NALCN: variants seen among roughly 807,000 people sequenced by gnomAD.
The protein encoded by NALCN is sodium leak channel NALCN.
NALCN carries 111 observed loss-of-function variants against 225.3 expected under a neutral mutation model. The ratio of observed to expected loss-of-function variants is 0.49; its 90% confidence interval spans 0.42 to 0.58. The LOEUF (loss-of-function observed/expected upper bound fraction) is 0.58, where lower values mean the gene tolerates loss of function less well. Among genes scored for constraint, NALCN ranks in the 20% least tolerant of loss-of-function variants. The pLI is 0.00. For synonymous variants in NALCN, 764 were observed against 769.0 expected, an observed-to-expected ratio of 0.99 and a Z score of 0.11; for missense variants, 1,378 against 2,202.4, an observed-to-expected ratio of 0.63 and a Z score of 7.49.
intron 15 of NALCN, among the ~76,000 whole-genome samples, chr13:101,171,617 T>C (rs558559870): frequency 3.8e-4 from 58 of 152,058 alleles, no homozygotes; most frequent in Non-Finnish European, 7.2e-4. Flanking sequence ...GGGAAGGCAA[T>C]AGAGGAATTT....
At chr13:101,366,464 A>G (rs1477952558) in intron 6 of NALCN, among the ~76,000 whole-genome samples, 1 of 152,132 alleles carries the variant, frequency 6.6e-6, no homozygotes, top group African/African-American at 2.4e-5. Flanking sequence ...ATACATGCAA[A>G]TCAATTAGGC....
At chr13:101,304,779 C>T (rs1259651315) in intron 7 of NALCN, among the ~76,000 whole-genome samples, 12 of 111,730 alleles carry the variant, frequency 1.1e-4, no homozygotes, top group Admixed American at 7.6e-4. Flanking sequence ...TTTTTTGAGA[C>T]GGAATCTTGC....
At chr13:101,225,192 C>T (rs547935026) in intron 13 of NALCN, among the ~76,000 whole-genome samples, 32 of 152,234 alleles carry the variant, frequency 2.1e-4, no homozygotes, top group Non-Finnish European at 4.1e-4. Context: ...AGTAAAAAAC[C>T]GCAGGAAAGA....
At chr13:101,296,466 C>T (rs1260158198) in intron 7 of NALCN, among the ~76,000 whole-genome samples, 2 of 152,156 alleles carry the variant, frequency 1.3e-5, no homozygotes, top group Admixed American at 6.5e-5. Context: ...CATAAAAACC[C>T]ATGCTATACA....
intron 35 of NALCN, among the ~76,000 whole-genome samples, 179 bp downstream of exon 35, chr13:101,075,691 AATG>A (rs1384247403): frequency 5.3e-5 from 8 of 152,276 alleles, no homozygotes; most frequent in Non-Finnish European, 8.8e-5. Context: ...AAACACATCG[AATG>A]ATAACTAAGC....
intron 14 of NALCN, among the ~76,000 whole-genome samples, chr13:101,178,365 G>T (rs997587459): frequency 6.6e-6 from 1 of 152,172 alleles, no homozygotes; most frequent in African/African-American, 2.4e-5. Context: ...AAAAAGGGGG[G>T]TCGGAAGGGA....
At chr13:101,416,193 C>T (rs529753486) in intron 1 of NALCN, 120 bp downstream of exon 1, 84 of 152,284 alleles carry the variant, frequency 5.5e-4, no homozygotes, top group African/African-American at 1.7e-3. Context: ...GCCCCAGCGC[C>T]CCTGAGCCGT....
At chr13:101,411,358 T>G (rs1038437282) in intron 1 of NALCN, among the ~76,000 whole-genome samples, 8 of 151,712 alleles carry the variant, frequency 5.3e-5, no homozygotes, top group Non-Finnish European at 1.2e-4. Context: ...TTTTTTTTTT[T>G]TTTGAGACGG....
intron 17 of NALCN, among the ~76,000 whole-genome samples, chr13:101,126,949 T>G (rs1030948437): frequency 6.6e-6 from 1 of 152,144 alleles, no homozygotes; most frequent in African/African-American, 2.4e-5. Context: ...CACATAGTCC[T>G]GAGACAGACC....
At chr13:101,183,380 T>G (rs1356397026) in intron 14 of NALCN, among the ~76,000 whole-genome samples, 3 of 152,242 alleles carry the variant, frequency 2.0e-5, no homozygotes, top group Non-Finnish European at 2.9e-5. Flanking sequence ...CTTTGTGTTT[T>G]GACTGTTCTA....
chr13:101,346,079 C>CTATATA (rs1202819666), intron 6 of NALCN, among the ~76,000 whole-genome samples: 2 of 92,748 alleles, frequency 2.2e-5, no homozygotes, highest in Admixed American at 2.5e-4. Context: ...CTCTCTCTCT[C>CTATATA]TCTCTCTCTA....
intron 15 of NALCN, among the ~76,000 whole-genome samples, chr13:101,154,615 C>CA (rs2037814585): frequency 6.6e-6 from 1 of 152,158 alleles, no homozygotes; most frequent in South Asian, 2.1e-4. Context: ...ATTAAGGGCA[C>CA]AACTCTCTGT....
chr13:101,305,145 G>A (rs2044114401), intron 7 of NALCN, among the ~76,000 whole-genome samples: 1 of 152,148 alleles, frequency 6.6e-6, no homozygotes, highest in South Asian at 2.1e-4. Context: ...ATGAACCTCT[G>A]TACTAGATTC....
intron 7 of NALCN, among the ~76,000 whole-genome samples, chr13:101,301,550 G>T (rs1243977646): frequency 6.6e-6 from 1 of 151,878 alleles, no homozygotes; most frequent in Non-Finnish European, 1.5e-5. Context: ...GTGAAACCTT[G>T]TCTCTACTAA....
chr13:101,210,755 A>G (rs2040493883), intron 13 of NALCN, among the ~76,000 whole-genome samples: 1 of 152,192 alleles, frequency 6.6e-6, no homozygotes, highest in Non-Finnish European at 1.5e-5. Context: ...CATGCATTTA[A>G]GAAGGACAAC....
intron 1 of NALCN, among the ~76,000 whole-genome samples, chr13:101,404,130 G>C (rs997817199): frequency 1.3e-5 from 2 of 152,130 alleles, no homozygotes; most frequent in Non-Finnish European, 2.9e-5. Flanking sequence ...AATTAAAAGA[G>C]AGCCTCTAGT....
chr13:101,360,003 A>C (rs1413702909), intron 6 of NALCN, among the ~76,000 whole-genome samples: 8 of 152,050 alleles, frequency 5.3e-5, no homozygotes, highest in Non-Finnish European at 8.8e-5. Context: ...CAAATATAGG[A>C]CCCAAAAATG....
At chr13:101,286,890 CA>C (rs1566533371) in intron 9 of NALCN, among the ~76,000 whole-genome samples, 3 of 151,874 alleles carry the variant, frequency 2.0e-5, no homozygotes, top group Admixed American at 2.0e-4. Context: ...CACACACACA[CA>C]CACACACCTG....
chr13:101,137,311 C>A (rs536340859), intron 17 of NALCN, among the ~76,000 whole-genome samples: 3 of 152,126 alleles, frequency 2.0e-5, no homozygotes, highest in African/African-American at 7.2e-5. Flanking sequence ...AAAAAAAATT[C>A]TTTCAAAAGA....
Sources: allele counts gnomAD v4.1 joint callset (sites outside exome capture counted in the v4.1 genomes callset), GRCh38; gene constraint gnomAD v4.1.1; transcripts MANE v1.5; gene names NCBI Gene and HGNC (gene_info 2026-07-23, HGNC 2026-07-21).